Variants in GLIS1 observed in about 807,000 individuals in gnomAD.
GLIS1 encodes the protein GLIS family zinc finger 1.
GLIS1 carries 24 observed loss-of-function variants against 63.8 expected under a neutral mutation model. The ratio of observed to expected loss-of-function variants is 0.38; its 90% confidence interval spans 0.27 to 0.53. The LOEUF (loss-of-function observed/expected upper bound fraction) is 0.53, where lower values mean the gene tolerates loss of function less well. GLIS1 is among the 20% of genes least tolerant of loss of function. The pLI is 0.85. For synonymous variants in GLIS1, 450 were observed against 482.5 expected (o/e 0.93, Z 0.88); for missense variants, 1,036 against 1,074.1 (o/e 0.96, Z 0.50).
rs943889194 is a variant in GLIS1, at chr1:53,647,909, T to C, written c.260-47631A>G. Among the ~76,000 whole-genome samples the C allele has an allele frequency of 1.6e-4, 24 of 152,140 alleles. 1 individual carries two copies. The highest frequency in any genetic ancestry group is 1.6e-3 in the Admixed American group (24 of 15,278). On this transcript the variant is annotated intron_variant, in intron 2 of 10. Transcript: ENST00000628545. ...AAACTTCCCCAGACACAGTGGCACA[T>C]GCCTGTAATCCCAGCATTTTGGGAG...
At chr1:53,512,793 T>C (rs925921276) in intron 8 of GLIS1, among the ~76,000 whole-genome samples, 21 of 151,780 alleles carry the variant, frequency 1.4e-4, no homozygotes, top group African/African-American at 4.8e-4. Context: ...CGGAGCAGAG[T>C]GCACGGGCCC....
At chr1:53,697,388 C>T (rs781738695) in intron 2 of GLIS1, among the ~76,000 whole-genome samples, 2 of 152,184 alleles carry the variant, frequency 1.3e-5, no homozygotes, top group East Asian at 3.8e-4. Flanking sequence ...ACATGCAGTT[C>T]CTCCCCACCG....
At chr1:53,661,103 C>T (rs1646023706) in intron 2 of GLIS1, among the ~76,000 whole-genome samples, 1 of 152,218 alleles carries the variant, frequency 6.6e-6, no homozygotes, top group Non-Finnish European at 1.5e-5. Flanking sequence ...CACTGCCTGG[C>T]TCATAGGACA....
chr1:53,576,126 G>A (rs72675196), intron 4 of GLIS1, among the ~76,000 whole-genome samples: 23,370 of 151,094 alleles, frequency 0.15, 2,259 homozygotes, highest in Non-Finnish European at 0.22. Context: ...CGTGTACCCC[G>A]GGTACTTCAC....
chr1:53,648,008 CA>C (rs550089628), intron 2 of GLIS1, among the ~76,000 whole-genome samples: 1 of 151,706 alleles, frequency 6.6e-6, no homozygotes, highest in Non-Finnish European at 1.5e-5. Context: ...TCCATTGCTA[CA>C]AAAAAACAAA....
At chr1:53,678,331 G>A (rs1646237546) in intron 2 of GLIS1, among the ~76,000 whole-genome samples, 1 of 134,894 alleles carries the variant, frequency 7.4e-6, no homozygotes, top group Non-Finnish European at 1.6e-5. Flanking sequence ...GAGGGTGAGG[G>A]GGGGGGGGTG....
chr1:53,520,745 C>T lies in GLIS1; in HGVS notation c.1615G>A (p.Glu539Lys), dbSNP rs747936449. The T allele has an allele frequency of 6.8e-5, 110 of 1,607,082 alleles. 1 individual carries two copies. In the East Asian group the frequency reaches 9.9e-4, roughly 14 times the overall value. ...AGACACTCGGTCAGGACGTCGGCCTCGGTGTCAGGGCCCGCATGCAGCTGG... is the reference window on the plus strand; with the variant it reads ...AGACACTCGGTCAGGACGTCGGCCTTGGTGTCAGGGCCCGCATGCAGCTGG... ...RKKLHAGPDTEADVLTECLVL... is the reference protein window; with the variant it reads ...RKKLHAGPDTKADVLTECLVL... The change falls in exon 7 of 11, where the codon GAG becomes AAG. Residue 539 changes from glutamate to lysine, a missense_variant. This residue lies in a region of GLIS1 where 400 missense variants were observed against 400.9 expected (regional missense o/e 1.00). Transcript: ENST00000628545.
At chr1:53,689,323 G>C (rs966013079) in intron 2 of GLIS1, among the ~76,000 whole-genome samples, 2 of 152,226 alleles carry the variant, frequency 1.3e-5, no homozygotes, top group African/African-American at 4.8e-5. Flanking sequence ...GGCACCACCT[G>C]CCTGGGCAGG....
chr1:53,723,031 G>A (rs964644277), intron 2 of GLIS1, among the ~76,000 whole-genome samples: 1 of 151,748 alleles, frequency 6.6e-6, no homozygotes, highest in Non-Finnish European at 1.5e-5. Flanking sequence ...TACTCAGGAG[G>A]CTGAGGCGGG....
intron 2 of GLIS1, among the ~76,000 whole-genome samples, chr1:53,650,821 T>C (rs1323678384): frequency 6.6e-6 from 1 of 152,202 alleles, no homozygotes; most frequent in Non-Finnish European, 1.5e-5. Context: ...GTCTGCCCAC[T>C]GCAATTCTCT....
chr1:53,708,905 A>C (rs1371777377), intron 2 of GLIS1, among the ~76,000 whole-genome samples: 1 of 152,180 alleles, frequency 6.6e-6, no homozygotes, highest in African/African-American at 2.4e-5. Flanking sequence ...TACCCAGCAC[A>C]CAAGGGGCAC....
chr1:53,686,948 T>C (rs3013777), intron 2 of GLIS1, among the ~76,000 whole-genome samples: 76,930 of 151,954 alleles, frequency 0.51, 21,205 homozygotes, highest in Non-Finnish European at 0.61. Context: ...CTGACAGTGT[T>C]GAGCCCTTTC....
chr1:53,530,653 G>A (rs928705680), intron 4 of GLIS1, among the ~76,000 whole-genome samples: 1 of 152,158 alleles, frequency 6.6e-6, no homozygotes, highest in Admixed American at 6.5e-5. Context: ...TCAACATCAG[G>A]GGTTGGCCAG....
intron 4 of GLIS1, among the ~76,000 whole-genome samples, chr1:53,581,921 T>G (rs1488194290): frequency 1.3e-5 from 2 of 152,154 alleles, no homozygotes; most frequent in African/African-American, 4.8e-5. Context: ...GACATCTGAA[T>G]GTCTGAGCTC....
Position 53,518,999 on chromosome 1 carries a change from T to TG in GLIS1, c.1726+1634dup, listed in dbSNP as rs1387442640. Among the ~76,000 whole-genome samples the TG allele has an allele frequency of 2.0e-5, 3 of 152,218 alleles. No individual in the cohort carries two copies. The East Asian group carries it at 5.8e-4, about 29-fold the overall frequency. ...CGGGGTAGGTACAAGACCTTTGCCC[T>TG]GGGGGCAGCACTGCTCCTCCACAAC... is the stretch of plus-strand genomic sequence containing the variant. On this transcript the variant is annotated intron_variant, in intron 7 of 10. Transcript: ENST00000628545.
chr1:53,521,190 G>A (rs1644405037), intron 6 of GLIS1, among the ~76,000 whole-genome samples: 1 of 152,154 alleles, frequency 6.6e-6, no homozygotes, highest in Non-Finnish European at 1.5e-5. Context: ...GTCCCTGCTG[G>A]GCCTGCCACA....
intron 2 of GLIS1, among the ~76,000 whole-genome samples, chr1:53,635,177 T>C (rs563624864): frequency 2.5e-4 from 38 of 152,022 alleles, no homozygotes; most frequent in African/African-American, 8.9e-4. Context: ...GCAGGAGCAG[T>C]GGTGGCTTTG....
chr1:53,616,349 T>C (rs1483251047), intron 2 of GLIS1, among the ~76,000 whole-genome samples: 1 of 152,200 alleles, frequency 6.6e-6, no homozygotes, highest in Non-Finnish European at 1.5e-5. Context: ...GATAAACATA[T>C]TCCATCTGCG....
chr1:53,551,415 G>A (rs935227510), intron 4 of GLIS1, among the ~76,000 whole-genome samples: 1 of 152,206 alleles, frequency 6.6e-6, no homozygotes, highest in Admixed American at 6.5e-5. Flanking sequence ...CTTATGCAGA[G>A]GAGGGATAAT....
Sources: allele counts gnomAD v4.1 joint callset (sites outside exome capture counted in the v4.1 genomes callset), GRCh38; gene constraint gnomAD v4.1.1; regional missense constraint gnomAD v4.1.1; transcripts MANE v1.5; gene names NCBI Gene and HGNC (gene_info 2026-07-23, HGNC 2026-07-21).